Variants in SGCZ observed in about 807,000 individuals in gnomAD.
The protein encoded by SGCZ is sarcoglycan zeta.
Under a neutral mutation model 41.3 loss-of-function variants are expected in SGCZ, and 40 were observed. That is an observed-to-expected ratio of 0.97 (90% CI 0.75 to 1.26). The LOEUF (loss-of-function observed/expected upper bound fraction) is 1.26, where lower values mean the gene tolerates loss of function less well. SGCZ is among the 50% of genes most tolerant of loss of function. The pLI is 0.00. For synonymous variants in SGCZ, 206 were observed against 137.5 expected (o/e 1.50, Z -3.49); for missense variants, 552 against 369.8 (o/e 1.49, Z -4.04).
intron 1 of SGCZ, among the ~76,000 whole-genome samples, chr8:14,735,799 A>T (rs990777943): frequency 3.9e-5 from 6 of 152,132 alleles, no homozygotes; most frequent in Non-Finnish European, 4.4e-5. Context: ...CATGTCATGG[A>T]CACACAAATA....
intron 2 of SGCZ, among the ~76,000 whole-genome samples, chr8:14,333,377 T>C (rs936732645): frequency 1.3e-5 from 2 of 152,158 alleles, no homozygotes; most frequent in Admixed American, 1.3e-4. Context: ...TTTTGTACCC[T>C]AAAAATTGCC....
chr8:14,541,771 C>A (rs1002351890), intron 2 of SGCZ, among the ~76,000 whole-genome samples: 2 of 152,100 alleles, frequency 1.3e-5, no homozygotes, highest in African/African-American at 4.8e-5. Flanking sequence ...AGTCCTATTT[C>A]TCCACATCTT....
chr8:14,713,029 G>A (rs1349832424), intron 1 of SGCZ, among the ~76,000 whole-genome samples: 1 of 152,154 alleles, frequency 6.6e-6, no homozygotes, highest in South Asian at 2.1e-4. Flanking sequence ...TAGGCCCCTA[G>A]TTGCTCATTT....
At chr8:14,908,762 A>G (rs865919301) in intron 1 of SGCZ, among the ~76,000 whole-genome samples, 37 of 150,704 alleles carry the variant, frequency 2.5e-4, no homozygotes, top group Middle Eastern at 3.5e-3. Flanking sequence ...AAAAAAAAAA[A>G]AGAGAGAGAG....
intron 3 of SGCZ, among the ~76,000 whole-genome samples, chr8:14,312,870 A>G (rs1031047637): frequency 5.9e-4 from 90 of 152,326 alleles, no homozygotes; most frequent in African/African-American, 2.1e-3. Flanking sequence ...ATGAATCTGA[A>G]GAAAACTATT....
At chr8:14,099,962 A>G (rs948329084) in intron 7 of SGCZ, among the ~76,000 whole-genome samples, 1 of 151,970 alleles carries the variant, frequency 6.6e-6, no homozygotes, top group African/African-American at 2.4e-5. Flanking sequence ...CATTTCATCC[A>G]TCATTTTAGA....
chr8:14,877,598 G>T (rs1387314537), intron 1 of SGCZ, among the ~76,000 whole-genome samples: 2 of 152,134 alleles, frequency 1.3e-5, no homozygotes, highest in East Asian at 3.9e-4. Context: ...ATAGTGTAAA[G>T]ATATTAAAGG....
chr8:14,143,796 C>G (rs1803443314), intron 5 of SGCZ, among the ~76,000 whole-genome samples: 1 of 152,176 alleles, frequency 6.6e-6, no homozygotes, highest in African/African-American at 2.4e-5. Flanking sequence ...CCCTACATCT[C>G]TGCAGCAGTA....
At chr8:14,324,342 T>A in intron 2 of SGCZ, 138 bp from the exon 3 acceptor site, 1 of 677,734 alleles carries the variant, frequency 1.5e-6, no homozygotes, top group South Asian at 1.6e-5. Flanking sequence ...TTGAATCTAC[T>A]TAATTAATGT....
At chr8:14,868,656 G>A (rs1050485546) in intron 1 of SGCZ, among the ~76,000 whole-genome samples, 2 of 152,052 alleles carry the variant, frequency 1.3e-5, no homozygotes, top group African/African-American at 4.8e-5. Context: ...GAGACAATTA[G>A]AACAGAATTT....
At chr8:14,832,825 T>C (rs1802578158) in intron 1 of SGCZ, among the ~76,000 whole-genome samples, 1 of 152,138 alleles carries the variant, frequency 6.6e-6, no homozygotes, top group Non-Finnish European at 1.5e-5. Context: ...ACCTTTCAAA[T>C]ACAATGTTTT....
intron 1 of SGCZ, among the ~76,000 whole-genome samples, chr8:14,836,360 G>A (rs1266201218): frequency 6.6e-6 from 1 of 152,090 alleles, no homozygotes; most frequent in African/African-American, 2.4e-5. Flanking sequence ...TTTAAAGATA[G>A]GAACCATTAT....
chr8:14,604,276 T>C (rs1585117677), intron 1 of SGCZ, among the ~76,000 whole-genome samples: 1 of 152,130 alleles, frequency 6.6e-6, no homozygotes, highest in East Asian at 1.9e-4. Flanking sequence ...CAACTTCAAT[T>C]GATCGTCAGT....
chr8:15,222,881 A>G (rs1455904006), intron 1 of SGCZ, among the ~76,000 whole-genome samples: 2 of 152,148 alleles, frequency 1.3e-5, no homozygotes, highest in Non-Finnish European at 2.9e-5. Context: ...ATTAAAGACA[A>G]CAAATGGAAA....
At chr8:14,290,183 T>C (rs916514454) in intron 3 of SGCZ, among the ~76,000 whole-genome samples, 3 of 151,952 alleles carry the variant, frequency 2.0e-5, no homozygotes, top group Non-Finnish European at 2.9e-5. Flanking sequence ...CATATAAAAA[T>C]AACTCAAAAT....
At chr8:14,445,665 G>A (rs73517479) in intron 2 of SGCZ, among the ~76,000 whole-genome samples, 1,798 of 152,226 alleles carry the variant, frequency 0.012, 37 homozygotes, top group African/African-American at 0.042. Context: ...CAAGAGCTCA[G>A]GACACATTGA....
intron 1 of SGCZ, among the ~76,000 whole-genome samples, chr8:14,902,800 T>C (rs950110285): frequency 2.0e-5 from 3 of 152,140 alleles, no homozygotes; most frequent in African/African-American, 7.2e-5. Context: ...TAATCAGGAA[T>C]ACATGCTCTA....
chr8:14,303,490 C>A (rs1017211130), intron 3 of SGCZ, among the ~76,000 whole-genome samples: 5 of 152,042 alleles, frequency 3.3e-5, no homozygotes, highest in African/African-American at 4.8e-5. Context: ...GACTAGAAGT[C>A]CTAGGATAAA....
intron 2 of SGCZ, among the ~76,000 whole-genome samples, chr8:14,479,864 G>T (rs1252047410): frequency 6.6e-6 from 1 of 151,190 alleles, no homozygotes; most frequent in Non-Finnish European, 1.5e-5. Context: ...TCCTGCCTCA[G>T]GCTCCCAAGT....
Sources: gnomAD v4.1 joint callset for allele counts (sites outside exome capture counted in the v4.1 genomes callset) on GRCh38, gnomAD v4.1.1 for gene constraint, MANE v1.5 for transcripts, NCBI Gene and HGNC (gene_info 2026-07-23, HGNC 2026-07-21) for gene names.